The following KCND2 variants were observed in gnomAD, a reference collection of about 807,000 sequenced individuals.
KCND2 encodes A-type voltage-gated potassium channel KCND2.
Under a neutral mutation model 54.4 loss-of-function variants are expected in KCND2, and 16 were observed. That is an observed-to-expected ratio of 0.29 (90% confidence interval 0.20 to 0.45). The LOEUF is 0.45. Ranked by LOEUF, KCND2 falls within the 20% of genes least tolerant of loss-of-function variation. KCND2 has a pLI of 1.00. For synonymous variants in KCND2, 317 were observed against 310.7 expected (o/e 1.02, Z -0.21); for missense variants, 486 against 824.2 (o/e 0.59, Z 5.02).
chr7:120,335,904 AG>A (rs1377162043), intron 1 of KCND2, among the ~76,000 whole-genome samples: 1 of 152,242 alleles, frequency 6.6e-6, no homozygotes, highest in Non-Finnish European at 1.5e-5. Context: ...ATTAATTACT[AG>A]GTTCTTTTAA....
Position 120,472,269 on chromosome 7 carries a change from G to A in KCND2, c.1115+196522G>A, listed in dbSNP as rs145624258. Among the ~76,000 whole-genome samples, 1,239 of 151,836 alleles carry A rather than the reference G, an allele frequency of 8.2e-3. 13 individuals carry two copies. Among genetic ancestry groups the A allele is most frequent in the African/African-American group, 0.029 (1,192 of 41,436 alleles). ...AGTTGGAATATAACCTCAGGTAAAT[G>A]ACATATATATGTAGCAGTGGGGCAG... On this transcript the variant is annotated intron_variant, in intron 1 of 5. Coordinates refer to ENST00000331113, the MANE Select transcript of KCND2 (RefSeq NM_012281.3).
intron 1 of KCND2, among the ~76,000 whole-genome samples, chr7:120,574,381 G>A (rs1792400951): frequency 2.0e-5 from 3 of 152,088 alleles, no homozygotes; most frequent in African/African-American, 2.4e-5. Flanking sequence ...AATTCCAATG[G>A]CAATACTTGA....
intron 1 of KCND2, among the ~76,000 whole-genome samples, chr7:120,567,048 A>C (rs1792307951): frequency 6.6e-6 from 1 of 151,866 alleles, no homozygotes; most frequent in South Asian, 2.1e-4. Flanking sequence ...TTTTCATCAG[A>C]ACATCTATTA....
chr7:120,409,797 T>C (rs1347771753), intron 1 of KCND2, among the ~76,000 whole-genome samples: 1 of 151,958 alleles, frequency 6.6e-6, no homozygotes, highest in Non-Finnish European at 1.5e-5. Flanking sequence ...GTTCTTGTTC[T>C]TTATCTAATA....
chr7:120,677,560 T>TAGATATAG lies in KCND2; in HGVS notation c.1116-55342_1116-55341insGATATAGA, dbSNP rs1477195497. ...AGATATAGATATAGATATATAGATA[T>TAGATATAG]ATAGATATATAGATATATAGATATA... is the stretch of plus-strand genomic sequence containing the variant. On this transcript the variant is annotated intron_variant, in intron 1 of 5. Coordinates refer to ENST00000331113, the MANE Select transcript of KCND2 (RefSeq NM_012281.3). Among the ~76,000 whole-genome samples the TAGATATAG allele has an allele frequency of 3.6e-3, 499 of 137,502 alleles. 1 individual carries two copies. Among genetic ancestry groups the TAGATATAG allele is most frequent in the African/African-American group, 0.013 (451 of 33,844 alleles). The allele number at this position is 137,502 out of a possible 152,430, so 90.2% of individuals were successfully genotyped here. A position where few individuals can be genotyped will look rare whatever the true frequency, so the allele number is the denominator to read the frequency against.
At chr7:120,601,587 T>C (rs563807347) in intron 1 of KCND2, among the ~76,000 whole-genome samples, 1 of 152,158 alleles carries the variant, frequency 6.6e-6, no homozygotes, top group East Asian at 1.9e-4. Flanking sequence ...CAAATCAAGA[T>C]TTAGCCTTCT....
intron 1 of KCND2, among the ~76,000 whole-genome samples, chr7:120,375,592 T>A (rs899049278): frequency 1.3e-5 from 2 of 151,872 alleles, no homozygotes; most frequent in Non-Finnish European, 2.9e-5. Flanking sequence ...GAGGGCATTA[T>A]TTTTATATAG....
At chr7:120,720,020 G>C (rs1421529163) in intron 1 of KCND2, among the ~76,000 whole-genome samples, 1 of 152,078 alleles carries the variant, frequency 6.6e-6, no homozygotes, top group East Asian at 1.9e-4. Context: ...TCTTTATAAT[G>C]TTCCCTCATC....
chr7:120,487,240 T>A (rs75071605), intron 1 of KCND2, among the ~76,000 whole-genome samples: 2,134 of 152,094 alleles, frequency 0.014, 24 homozygotes, highest in East Asian at 0.039. Flanking sequence ...GATTTTTTTT[T>A]AAAAAAAGAG....
At chr7:120,517,757 T>A (rs918971999) in intron 1 of KCND2, among the ~76,000 whole-genome samples, 3 of 152,198 alleles carry the variant, frequency 2.0e-5, no homozygotes, top group Non-Finnish European at 4.4e-5. Flanking sequence ...TATACATGCA[T>A]AACTTATTAG....
At chr7:120,367,321 G>A (rs548843767) in intron 1 of KCND2, among the ~76,000 whole-genome samples, 2 of 152,130 alleles carry the variant, frequency 1.3e-5, no homozygotes, top group Admixed American at 6.6e-5. Flanking sequence ...TTGTTTTCCT[G>A]TTGTGTTCTG....
At chr7:120,539,859 A>G (rs1161926341) in intron 1 of KCND2, among the ~76,000 whole-genome samples, 1 of 152,170 alleles carries the variant, frequency 6.6e-6, no homozygotes, top group Non-Finnish European at 1.5e-5. Context: ...CTCATCCAAC[A>G]TATCTGCTAC....
intron 1 of KCND2, among the ~76,000 whole-genome samples, chr7:120,287,897 A>G (rs2116269310): frequency 6.6e-6 from 1 of 152,226 alleles, no homozygotes; most frequent in Non-Finnish European, 1.5e-5. Flanking sequence ...CTTGTTTTCA[A>G]TTTTATTTAT....
chr7:120,444,210 G>A (rs1310444106), intron 1 of KCND2, among the ~76,000 whole-genome samples: 2 of 151,966 alleles, frequency 1.3e-5, no homozygotes, highest in African/African-American at 4.8e-5. Flanking sequence ...TTAAAATTGT[G>A]CTTCCTTGCT....
chr7:120,659,563 T>C lies in KCND2; in HGVS notation c.1116-73340T>C, dbSNP rs184036607. Among the ~76,000 whole-genome samples the C allele has an allele frequency of 7.5e-4, 115 of 152,348 alleles. 3 individuals carry two copies. In the East Asian group the frequency reaches 0.014, roughly 18 times the overall value. ...TTACCTCATACATTTACATTGCAAT[T>C]GTGTAAGTTTTCTTTGATTAAGATG... On this transcript the variant is annotated intron_variant, in intron 1 of 5. Transcript: ENST00000331113.
intron 1 of KCND2, among the ~76,000 whole-genome samples, chr7:120,446,864 A>C (rs1802025576): frequency 6.6e-6 from 1 of 152,180 alleles, no homozygotes; most frequent in Non-Finnish European, 1.5e-5. Flanking sequence ...TTCACTTGCA[A>C]TTCTAACATG....
intron 1 of KCND2, among the ~76,000 whole-genome samples, chr7:120,688,759 TAAAAG>T (rs1464201135): frequency 3.3e-5 from 5 of 152,144 alleles, no homozygotes; most frequent in African/African-American, 1.2e-4. Flanking sequence ...AAAAAAATGT[TAAAAG>T]AACAAGACTT....
At chr7:120,528,438 A>G (rs1791803531) in intron 1 of KCND2, among the ~76,000 whole-genome samples, 1 of 152,138 alleles carries the variant, frequency 6.6e-6, no homozygotes, top group Non-Finnish European at 1.5e-5. Flanking sequence ...GAGTTATTAA[A>G]TCAATCCACT....
chr7:120,538,683 CCTT>C (rs1459295772), intron 1 of KCND2, among the ~76,000 whole-genome samples: 11 of 152,080 alleles, frequency 7.2e-5, no homozygotes, highest in Admixed American at 7.2e-4. Flanking sequence ...CCAGAAGCCA[CCTT>C]CTTCTTCCCC....
Sources: gnomAD v4.1 joint callset for allele counts (sites outside exome capture counted in the v4.1 genomes callset) on GRCh38, gnomAD v4.1.1 for gene constraint, MANE v1.5 for transcripts, NCBI Gene and HGNC (gene_info 2026-07-23, HGNC 2026-07-21) for gene names.